KPNA1: variants seen among roughly 807,000 people sequenced by gnomAD.
KPNA1 encodes the protein karyopherin subunit alpha 1, also known as importin subunit alpha-5.
Under a neutral mutation model 70.5 loss-of-function variants are expected in KPNA1, and 10 were observed. That is an observed-to-expected ratio of 0.14 (90% CI 0.09 to 0.24). KPNA1 has a LOEUF of 0.24. Among genes scored for constraint, KPNA1 ranks in the 10% least tolerant of loss-of-function variants. The probability of loss-of-function intolerance (pLI) is 1.00; values close to 1 mark genes in which losing one functional copy is unlikely to be tolerated. For missense variants in KPNA1, 397 were observed against 637.9 expected (o/e 0.62, Z 4.07); for synonymous variants, 192 against 221.9 (o/e 0.87, Z 1.20).
chr3:122,508,139 T>C (rs984227516), intron 1 of KPNA1, among the ~76,000 whole-genome samples: 2 of 152,058 alleles, frequency 1.3e-5, no homozygotes, highest in Admixed American at 6.6e-5. Flanking sequence ...AATTTTTTTT[T>C]CAAATAAATG....
chr3:122,440,034 C>G (rs571273927), intron 10 of KPNA1, among the ~76,000 whole-genome samples: 1 of 152,058 alleles, frequency 6.6e-6, no homozygotes, highest in Non-Finnish European at 1.5e-5. Flanking sequence ...AGGACTGAAA[C>G]TTGAGATAGG....
At chr3:122,469,733 A>G (rs1015461424) in intron 2 of KPNA1, among the ~76,000 whole-genome samples, 26 of 152,216 alleles carry the variant, frequency 1.7e-4, no homozygotes, top group African/African-American at 6.3e-4. Context: ...TAGGGATATC[A>G]TTTTCAAACA....
At chr3:122,465,931 A>G (rs1345882669) in intron 3 of KPNA1, among the ~76,000 whole-genome samples, 1 of 152,166 alleles carries the variant, frequency 6.6e-6, no homozygotes, top group Non-Finnish European at 1.5e-5. Flanking sequence ...GCTCCCAAAG[A>G]CACGAGCCAC....
intron 5 of KPNA1, chr3:122,460,653 A>G (rs1173421534): frequency 3.8e-6 from 3 of 785,176 alleles, no homozygotes; most frequent in East Asian, 1.3e-4. Context: ...AAGAAGAAAA[A>G]AAAAAAAAAG....
At chr3:122,504,460 G>A (rs1414687451) in intron 1 of KPNA1, among the ~76,000 whole-genome samples, 1 of 152,170 alleles carries the variant, frequency 6.6e-6, no homozygotes, top group Non-Finnish European at 1.5e-5. Flanking sequence ...CACATGAATC[G>A]TAAGGGGACA....
chr3:122,484,582 G>A (rs1286615888), intron 2 of KPNA1, among the ~76,000 whole-genome samples: 2 of 149,634 alleles, frequency 1.3e-5, no homozygotes, highest in Non-Finnish European at 2.9e-5. Context: ...AGCAGAAGTT[G>A]CAGTGAGCTG....
At chr3:122,439,173 A>T (rs1267890402) in intron 10 of KPNA1, among the ~76,000 whole-genome samples, 1 of 152,206 alleles carries the variant, frequency 6.6e-6, no homozygotes. Flanking sequence ...TACTGTAAGA[A>T]CAGACTACTG....
At chr3:122,427,787 T>A in intron 12 of KPNA1, 71 bp from the exon 13 acceptor site, 1 of 1,051,672 alleles carries the variant, frequency 9.5e-7, no homozygotes, top group South Asian at 2.3e-5. Flanking sequence ...AGTGAGCAAG[T>A]CATCCTCAAC....
chr3:122,453,284 TC>T (rs2076231458), intron 6 of KPNA1, among the ~76,000 whole-genome samples: 1 of 152,152 alleles, frequency 6.6e-6, no homozygotes, highest in Non-Finnish European at 1.5e-5. Flanking sequence ...AAAACCTCTA[TC>T]AGTAACTGCT....
intron 11 of KPNA1, among the ~76,000 whole-genome samples, chr3:122,434,731 T>TA (rs2075962266): frequency 6.6e-6 from 1 of 152,244 alleles, no homozygotes; most frequent in Admixed American, 6.5e-5. Context: ...CTTCATGTAC[T>TA]AACACTAAAG....
At chr3:122,505,136 T>A (rs2076876213) in intron 1 of KPNA1, among the ~76,000 whole-genome samples, 1 of 151,920 alleles carries the variant, frequency 6.6e-6, no homozygotes. Flanking sequence ...AAACCCCGCC[T>A]CTACTAAAAA....
chr3:122,495,165 G>A lies in KPNA1; in HGVS notation c.129+1272C>T, dbSNP rs532343259. 9.3e-5 allele frequency among the ~76,000 whole-genome samples: 14 copies of A among 151,308 alleles called. No homozygotes were observed. The East Asian group carries it at 1.8e-3, about 19-fold the overall frequency. ...CTCAGGAGGCTGAGACAGGAGAATC[G>A]CTTGAACCTGGGAGGTGGAGGTTGC... On this transcript the variant is annotated intron_variant, in intron 2 of 13. Transcript: ENST00000344337.
intron 12 of KPNA1, chr3:122,432,417 T>A (rs1238912691): frequency 6.6e-6 from 1 of 152,240 alleles, no homozygotes; most frequent in Non-Finnish European, 1.5e-5. Context: ...TTTCTCTACC[T>A]GATAAATTTC....
chr3:122,512,332 G>A (rs1285112938), intron 1 of KPNA1, among the ~76,000 whole-genome samples: 2 of 152,170 alleles, frequency 1.3e-5, no homozygotes, highest in South Asian at 2.1e-4. Context: ...AAGAAAAGAT[G>A]TTTTTAATGG....
intron 1 of KPNA1, among the ~76,000 whole-genome samples, chr3:122,497,576 C>A (rs1235055450): frequency 6.6e-6 from 1 of 152,218 alleles, no homozygotes; most frequent in Non-Finnish European, 1.5e-5. Flanking sequence ...CACATCCTTG[C>A]CAGCACTTTG....
At chr3:122,486,610 C>T (rs1208766233) in intron 2 of KPNA1, among the ~76,000 whole-genome samples, 1 of 150,930 alleles carries the variant, frequency 6.6e-6, no homozygotes, top group African/African-American at 2.4e-5. Flanking sequence ...TTTTTTGAGA[C>T]GGAGTCTCGC....
At chr3:122,446,590 C>T (rs1017246329) in intron 9 of KPNA1, among the ~76,000 whole-genome samples, 1 of 152,140 alleles carries the variant, frequency 6.6e-6, no homozygotes, top group African/African-American at 2.4e-5. Flanking sequence ...AAAATCAACA[C>T]CCAACATCAC....
rs538805203 is a variant in KPNA1 at position 122,490,057 on chromosome 3, G to A, written c.129+6380C>T. On this transcript the variant is annotated intron_variant, in intron 2 of 13. Coordinates refer to ENST00000344337, the MANE Select transcript of KPNA1 (RefSeq NM_002264.4). Reference sequence around the variant, plus strand: ...CTGTGTAAGTACCAGGCACTGTTCCGTCTAATCCTTTAAAATGATATTTTC... The same window carrying A: ...CTGTGTAAGTACCAGGCACTGTTCCATCTAATCCTTTAAAATGATATTTTC... 7.6e-4 allele frequency among the ~76,000 whole-genome samples: 116 copies of A among 152,308 alleles called. No homozygotes were observed. The Middle Eastern group carries it at 0.01, about 13-fold the overall frequency.
At chr3:122,442,205 G>A (rs919440743) in intron 9 of KPNA1, 89 bp from the exon 10 acceptor site, 1 of 1,008,370 alleles carries the variant, frequency 9.9e-7, no homozygotes, top group African/African-American at 1.6e-5. Context: ...CAAAAAAATT[G>A]TGATAGAATT....
Sources: gnomAD v4.1 joint callset for allele counts (sites outside exome capture counted in the v4.1 genomes callset) on GRCh38, gnomAD v4.1.1 for gene constraint, MANE v1.5 for transcripts, NCBI Gene and HGNC (gene_info 2026-07-23, HGNC 2026-07-21) for gene names.